The following TECPR1 variants were observed in gnomAD, a reference collection of about 807,000 sequenced individuals.
TECPR1 encodes the protein tectonin beta-propeller repeat-containing protein 1.
In TECPR1, 122 loss-of-function variants were observed where a neutral mutation model predicts 162.4. The observed-to-expected ratio is 0.75, with a 90% CI of 0.65 to 0.87. The LOEUF (loss-of-function observed/expected upper bound fraction) is 0.87. TECPR1 is among the 40% of genes least tolerant of loss of function. The pLI is 0.00. For synonymous variants in TECPR1, 642 were observed against 670.6 expected, an observed-to-expected ratio of 0.96 and a Z score of 0.66; for missense variants, 1,432 against 1,618.2, an observed-to-expected ratio of 0.88 and a Z score of 1.97.
intron 8 of TECPR1, among the ~76,000 whole-genome samples, chr7:98,239,067 A>G (rs1219052201): frequency 1.3e-5 from 2 of 152,236 alleles, no homozygotes; most frequent in Admixed American, 6.5e-5. Context: ...AAGTATTTTC[A>G]TGTCGACGTG....
At chr7:98,235,383 G>A (rs907716635) in intron 10 of TECPR1, among the ~76,000 whole-genome samples, 40 of 152,154 alleles carry the variant, frequency 2.6e-4, no homozygotes, top group Non-Finnish European at 1.0e-4. Context: ...AAATTAGCCA[G>A]GTGTGGTGGC....
At chr7:98,246,803 G>A (rs941430930) in intron 2 of TECPR1, among the ~76,000 whole-genome samples, 10 of 151,340 alleles carry the variant, frequency 6.6e-5, no homozygotes, top group African/African-American at 2.4e-4. Flanking sequence ...GGCTGGTCTC[G>A]AACTCCTGAC....
In TECPR1 at chr7:98,233,637, G is replaced by C. The variant is rs574319111; in HGVS notation, c.1456C>G (p.Pro486Ala). The C allele has an allele frequency of 1.3e-6, 2 of 1,590,934 alleles. No homozygotes were observed. The highest frequency in any genetic ancestry group is 3.5e-5 in the Admixed American group (2 of 57,668). ...PGPAPTPAEL[P>A]WTNIDLKEAK... is the part of the protein sequence containing the mutation. The stretch of plus-strand genomic sequence containing the variant: ...TCCTTGAGGTCAATATTGGTCCAGG[G>C]CAGCTCGGCCGGGGTGGGGGCCGGG... The change falls in exon 11 of 26, where the codon CCC (proline) becomes GCC (alanine). Residue 486 changes from proline (P) to alanine (A), a missense_variant. By Grantham distance (27) the Pro-to-Ala change is conservative (BLOSUM62 -1). Coordinates refer to ENST00000447648, the MANE Select transcript of TECPR1 (RefSeq NM_015395.3).
chr7:98,222,163 G>A (rs1300564875), intron 22 of TECPR1, among the ~76,000 whole-genome samples: 2 of 152,190 alleles, frequency 1.3e-5, no homozygotes, highest in East Asian at 3.9e-4. Context: ...GGACCCTGCA[G>A]GGCCGAGACA....
At chr7:98,239,463 G>A (rs1259307885) in intron 8 of TECPR1, among the ~76,000 whole-genome samples, 1 of 152,216 alleles carries the variant, frequency 6.6e-6, no homozygotes, top group Non-Finnish European at 1.5e-5. Flanking sequence ...GCCATGGCAG[G>A]AGAATCGCTT....
intron 10 of TECPR1, among the ~76,000 whole-genome samples, chr7:98,234,147 C>A (rs1272713437): frequency 6.6e-6 from 1 of 152,214 alleles, no homozygotes; most frequent in Non-Finnish European, 1.5e-5. Flanking sequence ...GAGTGAAGAT[C>A]TAGAATTAGT....
At chr7:98,235,849 A>AAAAAAAAAAAAAAAAAAAAAAAAC in intron 10 of TECPR1, among the ~76,000 whole-genome samples, 8 of 110,332 alleles carry the variant, frequency 7.3e-5, no homozygotes, top group Admixed American at 2.0e-4. Flanking sequence ...AAAAAAAAAA[A>AAAAAAAAAAAAAAAAAAAAAAAAC]AACACCATCT....
chr7:98,245,239 A>C lies in TECPR1; in HGVS notation c.226-172T>G, dbSNP rs1000104157. ...TGGGACCCAGCAACTGGGGACCCCC[A>C]TGCCACTTCATCATGAGCCAGCAAG... On this transcript the variant is annotated intron_variant, in intron 3 of 25. Transcript: ENST00000447648. The C allele has an allele frequency of 4.5e-6, 3 of 668,884 alleles. No individual in the cohort carries two copies. In the African/African-American group the frequency reaches 5.4e-5, roughly 12 times the overall value. 41.4% of individuals were successfully genotyped at this position (668,884 alleles called of 1,614,324 possible).
In TECPR1 at chr7:98,231,851, G is replaced by A. The variant is rs199543127; in HGVS notation, c.1927C>T (p.Arg643Trp). 700 of 1,612,782 alleles carry A rather than the reference G, an allele frequency of 4.3e-4. 5 individuals are homozygous for A. Among genetic ancestry groups the A allele is most frequent in the South Asian group, 2.7e-3 (246 of 91,072 alleles). ...LEQFTGHDGVRDSILFIYYVV... is the reference protein window; with the variant it reads ...LEQFTGHDGVWDSILFIYYVV... ...TAGTAGATGAAGAGGATGCTGTCCC[G>A]GACGCCGTCGTGCCCCGTGAACTGC... Residue 643 changes from arginine (R) to tryptophan (W), a missense_variant, in exon 13 of 26, where the codon CGG becomes TGG. Arg to Trp is a moderately radical substitution (Grantham distance 101). Transcript: ENST00000447648.
intron 10 of TECPR1, 104 bp from the exon 11 acceptor site, chr7:98,234,015 T>C: frequency 7.1e-7 from 1 of 1,406,446 alleles, no homozygotes; most frequent in Non-Finnish European, 9.5e-7. Context: ...TGTGGAAACT[T>C]GGGCAAGTCA....
chr7:98,222,521 C>T lies in TECPR1; in HGVS notation c.2929G>A (p.Gly977Ser). 1 of 1,575,976 alleles carries T rather than the reference C, an allele frequency of 6.3e-7. No homozygotes were observed. The highest frequency in any genetic ancestry group is 8.6e-7 in the Non-Finnish European group (1 of 1,162,292). Residue 977 changes from glycine (G) to serine (S), a missense_variant and splice_region_variant, in exon 22 of 26, where the codon GGC becomes AGC. Physicochemically the swap from Gly to Ser is moderately conservative, Grantham distance 56. Coordinates refer to ENST00000447648, the MANE Select transcript of TECPR1 (RefSeq NM_015395.3). ...GTGCCAACGTGCAGCCAGGAGGAGC[C>T]CTGGGGATAGCAAGGAGGGGCGCTG... ...RLGVSELNPA[G>S]SSWLHVGTDQ...
chr7:98,223,974 G>C (rs1403667931), intron 19 of TECPR1, among the ~76,000 whole-genome samples: 5 of 152,054 alleles, frequency 3.3e-5, no homozygotes, highest in Non-Finnish European at 7.4e-5. Context: ...CCTCCCAGGG[G>C]CAGGGGTCTC....
chr7:98,248,815 C>T lies in TECPR1; in HGVS notation c.-20+2579G>A, dbSNP rs565799557. Among the ~76,000 whole-genome samples the T allele has an allele frequency of 3.4e-4, 52 of 150,996 alleles. 1 individual carries two copies. In the South Asian group the frequency reaches 0.01, roughly 29 times the overall value. On this transcript the variant is annotated intron_variant, in intron 2 of 25. Coordinates refer to ENST00000447648, the MANE Select transcript of TECPR1 (RefSeq NM_015395.3). The stretch of plus-strand genomic sequence containing the variant: ...GAGCCGAGATTGCACCACTGCACTC[C>T]AGCCTGGATGACAGAGTGCGACTCC...
At chr7:98,238,415 T>C (rs1320445436) in intron 9 of TECPR1, 94 bp downstream of exon 9, 8 of 1,029,788 alleles carry the variant, frequency 7.8e-6, no homozygotes, top group African/African-American at 1.6e-5. Context: ...GGGGCTCTCC[T>C]ACAGTGGGAA....
In TECPR1 at chr7:98,216,027, CCT is replaced by C. The variant is rs907726971; in HGVS notation, c.*1361_*1362del. Reference sequence around the variant, plus strand: ...AGGTCAGGTGGTGGTGAAGTCATCCCCTCTCCAACCGAGCAGAGCCTGGGGTT... The same window carrying C: ...AGGTCAGGTGGTGGTGAAGTCATCCCCTCCAACCGAGCAGAGCCTGGGGTT... On this transcript the variant is annotated 3_prime_UTR_variant, in exon 26 of 26. Transcript: ENST00000447648. 7 of 152,436 alleles carry C rather than the reference CCT, an allele frequency of 4.6e-5. No individual in the cohort carries two copies. Among genetic ancestry groups the C allele is most frequent in the African/African-American group, 1.7e-4 (7 of 41,576 alleles). The allele number at this position is 152,436 out of a possible 1,614,324, so 9.4% of individuals were successfully genotyped here. A position where few individuals can be genotyped will look rare whatever the true frequency, so the allele number is the denominator to read the frequency against.
chr7:98,225,709 A>T (rs1194600613), intron 17 of TECPR1, among the ~76,000 whole-genome samples: 2 of 151,678 alleles, frequency 1.3e-5, no homozygotes, highest in Admixed American at 1.3e-4. Context: ...GCTGGAGTGC[A>T]GGGGTATGAT....
chr7:98,231,807 C>A lies in TECPR1; in HGVS notation c.1971G>T (p.Lys657Asn), dbSNP rs192894786. Residue 657 changes from lysine to asparagine, a missense_variant, in exon 13 of 26, where the codon AAG becomes AAT. Coordinates refer to ENST00000447648, the MANE Select transcript of TECPR1 (RefSeq NM_015395.3). The stretch of plus-strand genomic sequence containing the variant: ...CTCCTGTGGGACCCGTGGGCACCTT[C>A]TTCTCCTCGTGGACCACATAGTAGA... Reference protein sequence around the residue: ...LFIYYVVHEEKKYIHIFLNEV... With the variant: ...LFIYYVVHEENKYIHIFLNEV... The A allele has an allele frequency of 4.3e-6, 7 of 1,610,952 alleles. No individual in the cohort carries two copies. The highest frequency in any genetic ancestry group is 5.9e-6 in the Non-Finnish European group (7 of 1,178,318).
In TECPR1 at chr7:98,220,360, A is replaced by AT. The variant is rs1446809655; in HGVS notation, c.3157+1300dup. On this transcript the variant is annotated intron_variant, in intron 23 of 25. Transcript: ENST00000447648. ...ATTCCGTCTCAAAAACAAAAAAAAAATTTTTTAACGGTACATTTTACTTTA... is the reference window on the plus strand; with the variant it reads ...ATTCCGTCTCAAAAACAAAAAAAAAATTTTTTTAACGGTACATTTTACTTTA... 1.1e-4 allele frequency among the ~76,000 whole-genome samples: 17 copies of AT among 152,018 alleles called. No individual in the cohort carries two copies. The East Asian group carries it at 3.3e-3, about 29-fold the overall frequency.
At chr7:98,247,927 T>C (rs1798954524) in intron 2 of TECPR1, among the ~76,000 whole-genome samples, 1 of 152,142 alleles carries the variant, frequency 6.6e-6, no homozygotes, top group Non-Finnish European at 1.5e-5. Flanking sequence ...GGTCTCGCTA[T>C]GTTGCCCAGG....
Sources: gnomAD v4.1 joint callset for allele counts (sites outside exome capture counted in the v4.1 genomes callset) on GRCh38, gnomAD v4.1.1 for gene constraint, MANE v1.5 for transcripts, NCBI Gene and HGNC (gene_info 2026-07-23, HGNC 2026-07-21) for gene names.